ZNF536: variants seen among roughly 807,000 people sequenced by gnomAD.
The protein encoded by ZNF536 is zinc finger protein 536.
In ZNF536, 13 loss-of-function variants were observed where a neutral mutation model predicts 84.5. That is an observed-to-expected ratio of 0.15 (90% CI 0.10 to 0.24). ZNF536 has a LOEUF of 0.24. Ranked by LOEUF, ZNF536 falls within the 10% of genes least tolerant of loss-of-function variation. The pLI is 1.00. For synonymous variants in ZNF536, 811 were observed against 742.5 expected (o/e 1.09, Z -1.50); for missense variants, 1,536 against 1,747.5 (o/e 0.88, Z 2.16).
chr19:30,301,234 A>G (rs993104438), intron 2 of ZNF536, among the ~76,000 whole-genome samples: 3 of 152,204 alleles, frequency 2.0e-5, no homozygotes, highest in Admixed American at 6.5e-5. Flanking sequence ...GAAACCGGCG[A>G]CAACTTACTT....
chr19:30,680,464 C>A (rs1294695795), intron 1 of ZNF536, among the ~76,000 whole-genome samples: 6 of 138,804 alleles, frequency 4.3e-5, no homozygotes, highest in Admixed American at 3.3e-4. Context: ...CATGTGTTCT[C>A]ATTGTTCAAT....
chr19:30,682,737 G>T (rs1030333395), intron 1 of ZNF536, among the ~76,000 whole-genome samples: 1 of 152,048 alleles, frequency 6.6e-6, no homozygotes, highest in African/African-American at 2.4e-5. Context: ...ACGGGGTGGT[G>T]GCACCCTCTC....
At chr19:30,592,449 G>A (rs2047309144) in intron 1 of ZNF536, among the ~76,000 whole-genome samples, 1 of 152,274 alleles carries the variant, frequency 6.6e-6, no homozygotes, top group East Asian at 1.9e-4. Context: ...GATACAAAGT[G>A]TGGCTGGATG....
At chr19:30,226,038 T>C (rs1228243838), upstream of ZNF536, among the ~76,000 whole-genome samples, 1 of 151,360 alleles carries the variant, frequency 6.6e-6, no homozygotes. The surrounding 1 kb of genome is among the most constrained non-coding windows in gnomAD (Gnocchi z 4.6). Context: ...GACCTGCGCC[T>C]GGGCCGCCGC....
chr19:30,393,532 T>C (rs1263944092), intron 1 of ZNF536, among the ~76,000 whole-genome samples: 6 of 152,178 alleles, frequency 3.9e-5, no homozygotes, highest in African/African-American at 1.4e-4. Flanking sequence ...AAATCATTAG[T>C]CTGGCAGGTG....
chr19:30,499,732 G>A (rs1471308476), intron 2 of ZNF536, among the ~76,000 whole-genome samples: 2 of 152,178 alleles, frequency 1.3e-5, no homozygotes, highest in African/African-American at 4.8e-5. Context: ...CCAGACATCT[G>A]TCCTCTGTTG....
chr19:30,292,973 C>T (rs973408357), intron 2 of ZNF536, among the ~76,000 whole-genome samples: 3 of 152,138 alleles, frequency 2.0e-5, no homozygotes, highest in African/African-American at 4.8e-5. Flanking sequence ...TTTCCATAAC[C>T]GAGAGGAAAG....
intron 1 of ZNF536, among the ~76,000 whole-genome samples, chr19:30,616,298 G>GT (rs1396488689): frequency 3.9e-5 from 6 of 152,128 alleles, no homozygotes; most frequent in Admixed American, 1.3e-4. Context: ...CGAGCATCTG[G>GT]TTGTATGCAT....
At chr19:30,439,594 G>A (rs998276536) in intron 1 of ZNF536, among the ~76,000 whole-genome samples, 1 of 152,136 alleles carries the variant, frequency 6.6e-6, no homozygotes, top group Non-Finnish European at 1.5e-5. Flanking sequence ...CCATTGCAGC[G>A]GCCTCGGCTG....
chr19:30,304,161 T>A (rs1460938104), intron 2 of ZNF536, among the ~76,000 whole-genome samples: 2 of 152,126 alleles, frequency 1.3e-5, no homozygotes, highest in Non-Finnish European at 2.9e-5. Context: ...TTTCCCCACC[T>A]CCCCACTATC....
In ZNF536 at chr19:30,263,589, A is replaced by G. The variant is rs188784026; in HGVS notation, c.-189-20483A>G. ...TCTCATTCGCAACTCGGCGACTCCA[A>G]TCTTCTGTGCGTTTTGGCCTTTTCT... On this transcript the variant is annotated intron_variant, in intron 1 of 5. Transcript: ENST00000585628. Among the ~76,000 whole-genome samples, 4 of 152,262 alleles carry G rather than the reference A, an allele frequency of 2.6e-5. No individual in the cohort carries two copies. The East Asian group carries it at 5.8e-4, about 22-fold the overall frequency.
In ZNF536 at chr19:30,536,632, G is replaced by C. The variant is rs137961274; in HGVS notation, c.2323+1633G>C. ...ACAGAAGAAATGCTCAAATAAGTGA[G>C]TGACTCCTCCTGTCTTCCCTGCATT... On this transcript the variant is annotated intron_variant, in intron 3 of 4. Transcript: ENST00000355537. 1.2e-4 allele frequency among the ~76,000 whole-genome samples: 19 copies of C among 152,310 alleles called. No homozygotes were observed. The East Asian group carries it at 2.5e-3, about 20-fold the overall frequency.
rs762517451 is a variant in ZNF536, at chr19:30,445,450, C to G, written c.1888C>G (p.Pro630Ala). The change falls in exon 2 of 5, where the codon CCC (proline) becomes GCC (alanine). Residue 630 changes from proline to alanine, a missense_variant. Pro to Ala is a conservative substitution (Grantham distance 27, BLOSUM62 -1). Transcript: ENST00000355537. The surrounding 1 kb of genome is among the most constrained non-coding windows in gnomAD (Gnocchi z 4.5). ...GGGTCCTGGGAACATGAAGGAGAAG[C>G]CCACCGAGTGCCCCGACTGCGGCCG... ...LQGPGNMKEK[P>A]TECPDCGRVF... The G allele has an allele frequency of 1.2e-6, 2 of 1,614,082 alleles. No homozygotes were observed. The highest frequency in any genetic ancestry group is 1.7e-6 in the Non-Finnish European group (2 of 1,180,018).
intron 1 of ZNF536, among the ~76,000 whole-genome samples, chr19:30,395,660 T>C (rs2049785279): frequency 6.6e-6 from 1 of 152,196 alleles, no homozygotes; most frequent in South Asian, 2.1e-4. Flanking sequence ...CCTTAATAGC[T>C]GTGTACCTCT....
intron 1 of ZNF536, among the ~76,000 whole-genome samples, chr19:30,689,092 G>A (rs2147890460): frequency 6.6e-6 from 1 of 152,384 alleles, no homozygotes; most frequent in Middle Eastern, 3.4e-3. Context: ...ACTAGCCTGA[G>A]CCCCTTTCAC....
intron 1 of ZNF536, among the ~76,000 whole-genome samples, chr19:30,682,839 C>T (rs973026712): frequency 2.0e-5 from 3 of 152,318 alleles, no homozygotes; most frequent in African/African-American, 7.2e-5. Context: ...TTTTTGGCAC[C>T]AGCACCCTCC....
chr19:30,414,661 T>A (rs540927217), intron 1 of ZNF536, among the ~76,000 whole-genome samples: 54 of 152,312 alleles, frequency 3.5e-4, no homozygotes, highest in African/African-American at 1.3e-3. Context: ...TTGCCTTTCC[T>A]TCATGTGAAA....
rs1357382358 is a variant in ZNF536, at chr19:30,549,089, C to T, written c.3470C>T (p.Thr1157Ile). Reference sequence around the variant, plus strand: ...ATCCCCGAAACCACGAGTAAGAACACTACTGATGACCTCTCTGACATTGCC... The same window carrying T: ...ATCCCCGAAACCACGAGTAAGAACATTACTGATGACCTCTCTGACATTGCC... ...ILIPETTSKNTTDDLSDIASS... is the reference protein window; with the variant it reads ...ILIPETTSKNITDDLSDIASS... Residue 1157 changes from threonine to isoleucine, a missense_variant, in exon 4 of 5, where the codon ACT (threonine) becomes ATT (isoleucine). Transcript: ENST00000355537. 3.1e-6 allele frequency: 5 copies of T among 1,614,060 alleles called. No individual in the cohort carries two copies. The highest frequency in any genetic ancestry group is 4.2e-6 in the Non-Finnish European group (5 of 1,180,050).
intron 2 of ZNF536, among the ~76,000 whole-genome samples, chr19:30,533,952 G>A (rs1042013289): frequency 3.3e-5 from 5 of 152,228 alleles, no homozygotes; most frequent in African/African-American, 9.7e-5. Flanking sequence ...GTCAGGCCTC[G>A]GGGGCTGCAA....
Sources: allele counts gnomAD v4.1 joint callset (sites outside exome capture counted in the v4.1 genomes callset), GRCh38; gene constraint gnomAD v4.1.1; non-coding constraint Gnocchi (gnomAD v3.1); transcripts MANE v1.5; gene names NCBI Gene and HGNC (gene_info 2026-07-23, HGNC 2026-07-21).